Variants in ADNP2 observed in about 807,000 individuals in gnomAD.
ADNP2 encodes ADNP homeobox 2, also known as activity-dependent neuroprotector homeobox protein 2.
Under a neutral mutation model 16.4 loss-of-function variants are expected in ADNP2, and 8 were observed. That is an observed-to-expected ratio of 0.49 (90% CI 0.29 to 0.88). ADNP2 has a LOEUF of 0.88. ADNP2 is among the 40% of genes least tolerant of loss of function. ADNP2 has a pLI of 0.09. For synonymous variants in ADNP2, 637 were observed against 545.8 expected (o/e 1.17, Z -2.33); for missense variants, 1,397 against 1,395.1 (o/e 1.00, Z -0.02).
In ADNP2 at chr18:80,139,595, C is replaced by G. The variant is rs3809927; in HGVS notation, c.*786C>G. Reference sequence around the variant, plus strand: ...TGATATGCTAAGTCATTTCTCCGTTCAGAGGTAAAACAATAAATTTTTAGT... The same window carrying G: ...TGATATGCTAAGTCATTTCTCCGTTGAGAGGTAAAACAATAAATTTTTAGT... On this transcript the variant is annotated 3_prime_UTR_variant, in exon 4 of 4. Coordinates refer to ENST00000262198, the MANE Select transcript of ADNP2 (RefSeq NM_014913.4). The G allele has an allele frequency of 0.25, 38,690 of 152,408 alleles. 6,426 individuals are homozygous for G. The highest frequency in any genetic ancestry group is 0.38 in the Non-Finnish European group (25,806 of 67,974). 9.4% of individuals were successfully genotyped at this position (152,408 alleles called of 1,614,324 possible). A position where few individuals can be genotyped will look rare whatever the true frequency, so the allele number is the denominator to read the frequency against.
In ADNP2 at chr18:80,109,295, G is replaced by A. The variant is rs2052340318; in HGVS notation, c.-191G>A. 6.6e-6 allele frequency: 1 copy of A among 151,710 alleles called. No individual in the cohort carries two copies. The highest frequency in any genetic ancestry group is 2.4e-5 in the African/African-American group (1 of 41,408). The allele number at this position is 151,710 out of a possible 1,614,324, so 9.4% of individuals were successfully genotyped here. A position where few individuals can be genotyped will look rare whatever the true frequency, so the allele number is the denominator to read the frequency against. ...GCCATTTTCTCTTTCTGGCTGCGCG[G>A]GAGGAGGGGACCAGTCGCGCTGGGG... On this transcript the variant is annotated 5_prime_UTR_variant, in exon 1 of 4. Transcript: ENST00000262198.
At chr18:80,131,360 C>T (rs746709788) in intron 2 of ADNP2, among the ~76,000 whole-genome samples, 4 of 152,176 alleles carry the variant, frequency 2.6e-5, no homozygotes, top group Non-Finnish European at 4.4e-5. Flanking sequence ...ATAATTTTCT[C>T]ACTCTAGCAA....
chr18:80,135,856 C>T lies in ADNP2; in HGVS notation c.443C>T (p.Ser148Phe), dbSNP rs764899799. ...TVNILGETKS[S>F]RSDVISFTCL... ...AATATTTTAGGTGAAACTAAATCAT[C>T]TAGGAGCGATGTGATAAGTTTCACA... Residue 148 changes from serine (S) to phenylalanine (F), a missense_variant, in exon 4 of 4, where the codon TCT becomes TTT. By Grantham distance (155) the Ser-to-Phe change is radical. This residue lies in a region of ADNP2 where 777 missense variants were observed against 719.4 expected (regional missense o/e 1.08). Transcript: ENST00000262198. 4.3e-6 allele frequency: 7 copies of T among 1,614,178 alleles called. No homozygotes were observed. Among genetic ancestry groups the T allele is most frequent in the Admixed American group, 3.3e-5 (2 of 60,022 alleles).
rs2145219245 is a variant in ADNP2, at chr18:80,138,355, C to T, written c.2942C>T (p.Pro981Leu). The change falls in exon 4 of 4, where the codon CCT (proline) becomes CTT (leucine). Residue 981 changes from proline (P) to leucine (L), a missense_variant. Pro to Leu is a moderately conservative substitution (Grantham distance 98). Coordinates refer to ENST00000262198, the MANE Select transcript of ADNP2 (RefSeq NM_014913.4). ...AGTTTTTCTGTTAAGAGAAAGCTGCCTGACGGCCACTTAGGGGCCGAAGAC... is the reference window on the plus strand; with the variant it reads ...AGTTTTTCTGTTAAGAGAAAGCTGCTTGACGGCCACTTAGGGGCCGAAGAC... ...DSSFSVKRKL[P>L]DGHLGAEDQR... The T allele has an allele frequency of 6.2e-7, 1 of 1,614,096 alleles. No homozygotes were observed.
chr18:80,122,402 G>T (rs534591822), intron 2 of ADNP2, among the ~76,000 whole-genome samples: 1 of 152,162 alleles, frequency 6.6e-6, no homozygotes, highest in Non-Finnish European at 1.5e-5. Context: ...TTAGAACTTT[G>T]ATGAGGATTG....
chr18:80,112,298 GA>G (rs1403966630), intron 1 of ADNP2, among the ~76,000 whole-genome samples: 3 of 152,136 alleles, frequency 2.0e-5, no homozygotes, highest in African/African-American at 7.2e-5. Flanking sequence ...TGGTAGCTTA[GA>G]ATGGATAAAT....
chr18:80,109,599 C>T (rs530043341), intron 1 of ADNP2, 127 bp downstream of exon 1: 6 of 148,852 alleles, frequency 4.0e-5, no homozygotes, highest in Non-Finnish European at 7.5e-5. Flanking sequence ...CCACGCCCGC[C>T]GCCTGCCCTC....
chr18:80,111,778 C>T (rs2052358974), intron 1 of ADNP2, among the ~76,000 whole-genome samples: 1 of 152,038 alleles, frequency 6.6e-6, no homozygotes, highest in Non-Finnish European at 1.5e-5. Context: ...CTCCTGACCT[C>T]AGGTGATCTG....
chr18:80,138,448 C>T lies in ADNP2; in HGVS notation c.3035C>T (p.Thr1012Met), dbSNP rs141359018. The change falls in exon 4 of 4, where the codon ACG (threonine) becomes ATG (methionine). Residue 1012 changes from threonine (T) to methionine (M), a missense_variant. Physicochemically the swap from Thr to Met is moderately conservative, Grantham distance 81. Transcript: ENST00000262198. ...ADAAPGPEKV[T>M]SVVPFKRQRN... ...GCAGCCCCGGGTCCAGAAAAGGTGA[C>T]GAGTGTTGTGCCTTTTAAAAGACAA... The T allele has an allele frequency of 7.0e-5, 113 of 1,613,866 alleles. No homozygotes were observed. The African/African-American group carries it at 8.0e-4, about 11-fold the overall frequency.
chr18:80,128,492 A>G (rs1016082879), intron 2 of ADNP2, among the ~76,000 whole-genome samples: 1 of 152,112 alleles, frequency 6.6e-6, no homozygotes, highest in Non-Finnish European at 1.5e-5. Context: ...TCTACTAAAA[A>G]TACAAAAATT....
At chr18:80,116,512 TC>T (rs56222173) in intron 1 of ADNP2, among the ~76,000 whole-genome samples, 23,317 of 151,946 alleles carry the variant, frequency 0.15, 2,631 homozygotes, top group East Asian at 0.47. Context: ...GTATGAGAGT[TC>T]CAATTTCTCC....
intron 2 of ADNP2, among the ~76,000 whole-genome samples, chr18:80,132,484 C>T (rs1365172842): frequency 6.6e-6 from 1 of 152,146 alleles, no homozygotes; most frequent in Non-Finnish European, 1.5e-5. Flanking sequence ...TGGAACCAGT[C>T]CCCTATGGAT....
rs751431675 is a variant in ADNP2 at position 80,137,986 on chromosome 18, A to G, written c.2573A>G (p.Lys858Arg). The change falls in exon 4 of 4, where the codon AAG becomes AGG. Residue 858 changes from lysine to arginine, a missense_variant. This residue lies in a region of ADNP2 where 611 missense variants were observed against 648.7 expected (regional missense o/e 0.94). Transcript: ENST00000262198. The surrounding 1 kb of genome is among the most constrained non-coding windows in gnomAD (Gnocchi z 4.2). ...HSKSLVPVYV[K>R]VRPQAEGTPG... ...AAGTCACTGGTGCCTGTGTATGTGA[A>G]GGTGAGGCCTCAGGCTGAGGGCACC... The G allele has an allele frequency of 1.5e-5, 25 of 1,613,268 alleles. No homozygotes were observed. In the South Asian group the frequency reaches 2.7e-4, roughly 18 times the overall value.
At chr18:80,121,181 C>G (rs2052422578) in intron 2 of ADNP2, among the ~76,000 whole-genome samples, 1 of 152,186 alleles carries the variant, frequency 6.6e-6, no homozygotes, top group South Asian at 2.1e-4. Flanking sequence ...TTCTCCCTCT[C>G]TGCTTCCTTC....
intron 2 of ADNP2, among the ~76,000 whole-genome samples, chr18:80,119,410 T>A (rs2052409979): frequency 1.1e-5 from 1 of 88,790 alleles, no homozygotes; most frequent in Non-Finnish European, 2.6e-5. Context: ...ACAGACTCCG[T>A]CTCAAAAAAA....
chr18:80,134,487 TACC>T, intron 3 of ADNP2, among the ~76,000 whole-genome samples: 1 of 151,844 alleles, frequency 6.6e-6, no homozygotes, highest in South Asian at 2.1e-4. Flanking sequence ...ACTGTGGTAG[TACC>T]ACAGCCAGCT....
At chr18:80,120,049 G>A (rs1322218848) in intron 2 of ADNP2, among the ~76,000 whole-genome samples, 1 of 152,204 alleles carries the variant, frequency 6.6e-6, no homozygotes, top group Non-Finnish European at 1.5e-5. Flanking sequence ...GAGGAAGGCT[G>A]AGGCCAAGTG....
intron 2 of ADNP2, among the ~76,000 whole-genome samples, chr18:80,125,402 G>A (rs1323025310): frequency 6.6e-6 from 1 of 152,170 alleles, no homozygotes; most frequent in East Asian, 1.9e-4. Flanking sequence ...CCAGCACTTT[G>A]GGAGGCCGAG....
intron 2 of ADNP2, among the ~76,000 whole-genome samples, chr18:80,125,010 G>A (rs1294151764): frequency 2.0e-5 from 3 of 152,200 alleles, no homozygotes; most frequent in Admixed American, 1.3e-4. Flanking sequence ...AAATAGGGAT[G>A]AAGACCAAAT....
Sources: gnomAD v4.1 joint callset for allele counts (sites outside exome capture counted in the v4.1 genomes callset) on GRCh38, gnomAD v4.1.1 for gene constraint, gnomAD v4.1.1 regional missense constraint, Gnocchi (gnomAD v3.1) non-coding constraint, MANE v1.5 for transcripts, NCBI Gene and HGNC (gene_info 2026-07-23, HGNC 2026-07-21) for gene names.